The following TRABD2B variants were observed in gnomAD, a reference collection of about 807,000 sequenced individuals.
TRABD2B encodes the protein TraB domain containing 2B.
A neutral mutation model predicts 40.1 loss-of-function variants in TRABD2B; 14 were observed. That is an observed-to-expected ratio of 0.35 (90% confidence interval 0.23 to 0.55). The LOEUF (loss-of-function observed/expected upper bound fraction) is 0.55. TRABD2B is among the 20% of genes least tolerant of loss of function. The pLI is 0.90. For synonymous variants in TRABD2B, 263 were observed against 277.0 expected, an observed-to-expected ratio of 0.95 and a Z score of 0.50; for missense variants, 541 against 648.6, an observed-to-expected ratio of 0.83 and a Z score of 1.80.
chr1:47,931,845 A>G (rs1203179541), intron 2 of TRABD2B, among the ~76,000 whole-genome samples: 1 of 152,212 alleles, frequency 6.6e-6, no homozygotes, highest in Non-Finnish European at 1.5e-5. Context: ...GTGGTTTGTC[A>G]CACGGCAATA....
At chr1:47,943,890 C>G (rs1285006331) in intron 2 of TRABD2B, among the ~76,000 whole-genome samples, 2 of 152,188 alleles carry the variant, frequency 1.3e-5, no homozygotes, top group Admixed American at 1.3e-4. Flanking sequence ...ATTTACCACA[C>G]ACCTACTGCC....
At chr1:47,784,189 G>A (rs1404139603) in intron 4 of TRABD2B, among the ~76,000 whole-genome samples, 1 of 152,190 alleles carries the variant, frequency 6.6e-6, no homozygotes, top group Non-Finnish European at 1.5e-5. Context: ...CCTGGTAAAA[G>A]GCAAAGCTTG....
intron 2 of TRABD2B, among the ~76,000 whole-genome samples, chr1:47,849,014 T>C (rs966170297): frequency 1.5e-4 from 23 of 152,202 alleles, no homozygotes; most frequent in Admixed American, 3.3e-4. Flanking sequence ...TTCATGCACA[T>C]TGCCTGATGT....
intron 2 of TRABD2B, among the ~76,000 whole-genome samples, chr1:47,837,005 C>A (rs1218305553): frequency 6.6e-6 from 1 of 152,234 alleles, no homozygotes; most frequent in Non-Finnish European, 1.5e-5. Context: ...AATCTGGGGT[C>A]CCCCAAAGCC....
intron 4 of TRABD2B, among the ~76,000 whole-genome samples, chr1:47,778,877 G>A (rs1445016025): frequency 6.6e-6 from 1 of 152,154 alleles, no homozygotes; most frequent in South Asian, 2.1e-4. Flanking sequence ...AGGGCTCTCC[G>A]TGCTTCCCTG....
At chr1:47,860,366 G>A (rs1002691133) in intron 2 of TRABD2B, among the ~76,000 whole-genome samples, 3 of 152,138 alleles carry the variant, frequency 2.0e-5, no homozygotes, top group African/African-American at 7.2e-5. Context: ...TGTGACCTAT[G>A]TGAGTTGGGT....
In TRABD2B at chr1:47,994,429, G is replaced by T; in HGVS notation, c.271C>A (p.Pro91Thr). 3 of 1,536,164 alleles carry T rather than the reference G, an allele frequency of 2.0e-6. No individual in the cohort carries two copies. The highest frequency in any genetic ancestry group is 2.6e-6 in the Non-Finnish European group (3 of 1,146,920). The change falls in exon 2 of 7, where the codon CCC becomes ACC. Residue 91 changes from proline (P) to threonine (T), a missense_variant. Physicochemically the swap from Pro to Thr is conservative, Grantham distance 38. This residue lies in a region of TRABD2B where 369 missense variants were observed against 492.8 expected (regional missense o/e 0.75). Transcript: ENST00000606738. The surrounding 1 kb of genome is among the most constrained non-coding windows in gnomAD (Gnocchi z 6.7). Reference sequence around the variant, plus strand: ...CTGGCCAGGGCCGAGATGGTGTAGGGGTCTGTAAGGTCCAGCTCAAAGTAG... The same window carrying T: ...CTGGCCAGGGCCGAGATGGTGTAGGTGTCTGTAAGGTCCAGCTCAAAGTAG... ...RVYFELDLTD[P>T]YTISALASCQ...
chr1:47,801,133 C>T (rs1644817626), intron 3 of TRABD2B, among the ~76,000 whole-genome samples: 1 of 152,168 alleles, frequency 6.6e-6, no homozygotes, highest in African/African-American at 2.4e-5. Flanking sequence ...CTCTGAGTAA[C>T]TGTGGGCTTT....
chr1:47,775,523 A>G (rs1644433817), intron 5 of TRABD2B, 84 bp from the exon 6 acceptor site: 7 of 1,211,400 alleles, frequency 5.8e-6, no homozygotes, highest in Non-Finnish European at 7.2e-6. Context: ...ATTCAGTGGG[A>G]GTTTGTCATG....
At chr1:47,849,437 T>C (rs908518382) in intron 2 of TRABD2B, among the ~76,000 whole-genome samples, 4 of 152,186 alleles carry the variant, frequency 2.6e-5, no homozygotes, top group African/African-American at 9.7e-5. Context: ...AGGAAGTACA[T>C]TCCTGTTGCT....
chr1:47,984,552 TA>T (rs1028267086), intron 2 of TRABD2B, among the ~76,000 whole-genome samples: 1 of 152,164 alleles, frequency 6.6e-6, no homozygotes, highest in African/African-American at 2.4e-5. Context: ...CAGGCGGCTT[TA>T]TGCAGCATGG....
intron 2 of TRABD2B, among the ~76,000 whole-genome samples, chr1:47,899,927 C>T (rs912315022): frequency 7.2e-5 from 11 of 152,266 alleles, no homozygotes; most frequent in Admixed American, 1.3e-4. Flanking sequence ...ATGCACGACC[C>T]ATATCCAATG....
chr1:47,890,899 C>A (rs1262191582), intron 2 of TRABD2B, among the ~76,000 whole-genome samples: 2 of 152,224 alleles, frequency 1.3e-5, no homozygotes, highest in African/African-American at 4.8e-5. Flanking sequence ...ATGGGGCTGT[C>A]CTTGGCACTA....
chr1:47,992,995 C>G (rs1646034086), intron 2 of TRABD2B, among the ~76,000 whole-genome samples: 1 of 152,204 alleles, frequency 6.6e-6, no homozygotes, highest in African/African-American at 2.4e-5. Context: ...CAGTTTCTGC[C>G]GCTGTTTCCC....
chr1:47,816,231 AG>A (rs1244229063), intron 2 of TRABD2B, among the ~76,000 whole-genome samples: 6 of 152,120 alleles, frequency 3.9e-5, no homozygotes, highest in Non-Finnish European at 8.8e-5. Context: ...TTGAATCCTG[AG>A]CAGCCCTGAC....
At chr1:47,796,880 G>A (rs974659755) in intron 3 of TRABD2B, among the ~76,000 whole-genome samples, 9 of 152,314 alleles carry the variant, frequency 5.9e-5, no homozygotes, top group Middle Eastern at 3.4e-3. Context: ...GCTTCTGAAC[G>A]GGGAGAAGCA....
At chr1:47,768,159 T>C (rs1476854517) in intron 6 of TRABD2B, among the ~76,000 whole-genome samples, 2 of 152,208 alleles carry the variant, frequency 1.3e-5, no homozygotes, top group South Asian at 2.1e-4. Context: ...TGCTCTGGCC[T>C]TCAGCACCCC....
chr1:47,832,030 A>G (rs1451728420), intron 2 of TRABD2B, among the ~76,000 whole-genome samples: 1 of 152,204 alleles, frequency 6.6e-6, no homozygotes, highest in African/African-American at 2.4e-5. Flanking sequence ...CATGTGAGTC[A>G]GACTCTTAAA....
chr1:47,809,611 G>A (rs1644936764), intron 2 of TRABD2B, among the ~76,000 whole-genome samples: 1 of 152,200 alleles, frequency 6.6e-6, no homozygotes, highest in African/African-American at 2.4e-5. Context: ...CCAGGCTCTG[G>A]CTGAGATTTA....
Sources: gnomAD v4.1 joint callset for allele counts (sites outside exome capture counted in the v4.1 genomes callset) on GRCh38, gnomAD v4.1.1 for gene constraint, gnomAD v4.1.1 regional missense constraint, Gnocchi (gnomAD v3.1) non-coding constraint, MANE v1.5 for transcripts, NCBI Gene and HGNC (gene_info 2026-07-23, HGNC 2026-07-21) for gene names.